ANKRD55: variants seen among roughly 807,000 people sequenced by gnomAD.
ANKRD55 encodes the protein ankyrin repeat domain-containing protein 55.
Under a neutral mutation model 60.6 loss-of-function variants are expected in ANKRD55, and 41 were observed. The ratio of observed to expected loss-of-function variants is 0.68; its 90% CI spans 0.53 to 0.88. The LOEUF (loss-of-function observed/expected upper bound fraction) is 0.88, where lower values mean the gene tolerates loss of function less well. Among genes scored for constraint, ANKRD55 ranks in the 40% least tolerant of loss-of-function variants. The pLI, the probability that ANKRD55 is intolerant of heterozygous loss-of-function variation, is 0.00. For synonymous variants in ANKRD55, 264 were observed against 290.3 expected, an observed-to-expected ratio of 0.91 and a Z score of 0.92; for missense variants, 732 against 767.6, an observed-to-expected ratio of 0.95 and a Z score of 0.55.
At chr5:56,129,535 A>G (rs1757355370) in intron 7 of ANKRD55, among the ~76,000 whole-genome samples, 1 of 152,162 alleles carries the variant, frequency 6.6e-6, no homozygotes, top group South Asian at 2.1e-4. Flanking sequence ...TCATAAGAAG[A>G]CTTGCCAAGA....
chr5:56,181,834 ATCTGCTTGC>A (rs1230723939), intron 3 of ANKRD55, among the ~76,000 whole-genome samples: 1 of 152,144 alleles, frequency 6.6e-6, no homozygotes, highest in Non-Finnish European at 1.5e-5. Context: ...ATCTCAAGTG[ATCTGCTTGC>A]CTCGGCCTCC....
At chr5:56,128,180 CACA>C (rs1246661810) in intron 7 of ANKRD55, among the ~76,000 whole-genome samples, 17 of 152,202 alleles carry the variant, frequency 1.1e-4, no homozygotes, top group African/African-American at 3.9e-4. Context: ...AGAGTGTCAG[CACA>C]ACAATTCTTT....
intron 2 of ANKRD55, among the ~76,000 whole-genome samples, chr5:56,232,463 T>C (rs1037438940): frequency 1.3e-5 from 2 of 152,218 alleles, no homozygotes; most frequent in African/African-American, 4.8e-5. Flanking sequence ...AAATGTGATG[T>C]GTTCTTACAT....
chr5:56,137,389 C>G (rs1242254225), intron 7 of ANKRD55: 2 of 1,009,284 alleles, frequency 2.0e-6, no homozygotes, highest in Non-Finnish European at 3.1e-6. Context: ...CGGATTAACC[C>G]ATACATGAGC....
chr5:56,177,373 C>G (rs1233991143), intron 3 of ANKRD55, among the ~76,000 whole-genome samples: 1 of 152,114 alleles, frequency 6.6e-6, no homozygotes, highest in Non-Finnish European at 1.5e-5. Flanking sequence ...TTCCTTTCTT[C>G]CTGTCAACAA....
intron 2 of ANKRD55, among the ~76,000 whole-genome samples, chr5:56,227,529 C>T (rs1413168254): frequency 1.4e-4 from 21 of 151,476 alleles, no homozygotes; most frequent in Admixed American, 8.5e-4. Context: ...CACATCTGTG[C>T]GTGGGAACTT....
intron 5 of ANKRD55, among the ~76,000 whole-genome samples, chr5:56,166,154 C>CTTTT (rs11283204): frequency 1.4e-5 from 1 of 71,476 alleles, no homozygotes; most frequent in Admixed American, 1.6e-4. Flanking sequence ...TTCTTTCTTT[C>CTTTT]TTCTTTCCTT....
intron 2 of ANKRD55, among the ~76,000 whole-genome samples, chr5:56,185,208 G>C (rs1208713676): frequency 6.6e-6 from 1 of 150,896 alleles, no homozygotes; most frequent in Non-Finnish European, 1.5e-5. Context: ...GGGCGACAGA[G>C]CGAGACTCTG....
chr5:56,116,792 C>T lies in ANKRD55; in HGVS notation c.798-10G>A. ...CCAGTGCAGAGGTGTCCTGGAGGGG[C>T]CATGTGAAAAAAGCACAAGCGTCTG... On this transcript the variant is annotated splice_polypyrimidine_tract_variant and intron_variant, in intron 8 of 11. Coordinates refer to ENST00000341048, the MANE Select transcript of ANKRD55 (RefSeq NM_024669.3). The T allele has an allele frequency of 5.7e-6, 9 of 1,590,948 alleles. No individual in the cohort carries two copies. The highest frequency in any genetic ancestry group is 7.7e-6 in the Non-Finnish European group (9 of 1,170,308).
At position 56,221,009 on chromosome 5, in the gene ANKRD55, T is replaced by A. The variant is rs115736441; in HGVS notation, c.58+11847A>T. Among the ~76,000 whole-genome samples the A allele has an allele frequency of 2.0e-3, 311 of 152,316 alleles. 1 individual carries two copies. Among genetic ancestry groups the A allele is most frequent in the African/African-American group, 7.0e-3 (292 of 41,566 alleles). ...ATATAATTTGCTTCTAAACCAGTACTGGTTTGCATCTTGTCTTTATTTATC... is the reference window on the plus strand; with the variant it reads ...ATATAATTTGCTTCTAAACCAGTACAGGTTTGCATCTTGTCTTTATTTATC... On this transcript the variant is annotated intron_variant, in intron 2 of 11. Transcript: ENST00000341048.
Position 56,182,774 on chromosome 5 carries a change from G to A in ANKRD55, c.181+738C>T, listed in dbSNP as rs145558151. On this transcript the variant is annotated intron_variant, in intron 3 of 11. Coordinates refer to ENST00000341048, the MANE Select transcript of ANKRD55 (RefSeq NM_024669.3). The stretch of plus-strand genomic sequence containing the variant: ...GGTGCCACCTCATTATTGCAAGGTG[G>A]CATTAGAAATCCAGGTTTCCTACTC... Among the ~76,000 whole-genome samples the A allele has an allele frequency of 7.5e-3, 1,144 of 152,316 alleles. 13 individuals are homozygous for A. The highest frequency in any genetic ancestry group is 0.026 in the African/African-American group (1,094 of 41,572).
At chr5:56,226,722 C>A (rs1289146682) in intron 2 of ANKRD55, among the ~76,000 whole-genome samples, 6 of 152,148 alleles carry the variant, frequency 3.9e-5, no homozygotes, top group Non-Finnish European at 7.4e-5. Context: ...ATGCAGCCAA[C>A]AGACACATGA....
rs764910515 is a variant in ANKRD55, at chr5:56,176,155, G to A, written c.309C>T (p.Tyr103=). The A allele has an allele frequency of 3.7e-6, 6 of 1,614,062 alleles. No individual in the cohort carries two copies. In the Admixed American group the frequency reaches 5.0e-5, roughly 13 times the overall value. Residue 103 remains tyrosine, a synonymous_variant, in exon 4 of 12, where the codon TAC becomes TAT. Coordinates refer to ENST00000341048, the MANE Select transcript of ANKRD55 (RefSeq NM_024669.3). ...TGTGACAGGCACAAGTCAGTACCAG[G>A]TAGGTGGCCAGGCATAAACTTGTGC... The part of the protein sequence containing the change: ...YGRTSLCLAT[Y]LGWLEGCVSL...
chr5:56,210,513 GAT>G, intron 2 of ANKRD55, among the ~76,000 whole-genome samples: 1 of 136,246 alleles, frequency 7.3e-6, no homozygotes, highest in Non-Finnish European at 1.5e-5. Flanking sequence ...AGTGAGCCGA[GAT>G]CGCGCGACTG....
At chr5:56,125,618 C>G (rs1238610729) in intron 8 of ANKRD55, 3 of 152,112 alleles carry the variant, frequency 2.0e-5, no homozygotes, top group Non-Finnish European at 4.4e-5. Flanking sequence ...TTTAATTTTA[C>G]TTAAAGTCAT....
At chr5:56,175,676 C>T (rs868414125) in intron 4 of ANKRD55, among the ~76,000 whole-genome samples, 55 of 152,042 alleles carry the variant, frequency 3.6e-4, no homozygotes, top group African/African-American at 1.1e-3. Context: ...TGCTTTGTCT[C>T]CCCTGTTCTT....
intron 2 of ANKRD55, among the ~76,000 whole-genome samples, chr5:56,190,099 C>G (rs888468772): frequency 1.3e-5 from 2 of 152,094 alleles, no homozygotes; most frequent in East Asian, 3.8e-4. Context: ...AGCATTTTTC[C>G]AAGTGCTTAT....
At chr5:56,231,725 G>C (rs1413756446) in intron 2 of ANKRD55, among the ~76,000 whole-genome samples, 1 of 151,156 alleles carries the variant, frequency 6.6e-6, no homozygotes, top group Non-Finnish European at 1.5e-5. Flanking sequence ...TATTCCAAAT[G>C]AGCTAAGACC....
chr5:56,127,384 A>C (rs1757297824), intron 7 of ANKRD55: 2 of 976,150 alleles, frequency 2.0e-6, no homozygotes. Flanking sequence ...TTGAAATTAA[A>C]TACAGGTGCA....
Sources: gnomAD v4.1 joint callset for allele counts (sites outside exome capture counted in the v4.1 genomes callset) on GRCh38, gnomAD v4.1.1 for gene constraint, MANE v1.5 for transcripts, NCBI Gene and HGNC (gene_info 2026-07-23, HGNC 2026-07-21) for gene names.